The following FRMD3 variants were observed in gnomAD, a reference collection of about 807,000 sequenced individuals.
FRMD3 encodes FERM domain containing 3, also known as FERM domain-containing protein 3.
FRMD3 carries 33 observed loss-of-function variants against 70.2 expected under a neutral mutation model. The ratio of observed to expected loss-of-function variants is 0.47; its 90% CI spans 0.36 to 0.63. The LOEUF (loss-of-function observed/expected upper bound fraction) is 0.63, where lower values mean the gene tolerates loss of function less well. Among genes scored for constraint, FRMD3 ranks in the 20% least tolerant of loss-of-function variants. The pLI, the probability that FRMD3 is intolerant of heterozygous loss-of-function variation, is 0.00. For synonymous variants in FRMD3, 279 were observed against 255.9 expected (o/e 1.09, Z -0.86); for missense variants, 632 against 711.4 (o/e 0.89, Z 1.27).
chr9:83,550,488 A>G, the FRMD3 span, among the ~76,000 whole-genome samples: 11 of 152,014 alleles, frequency 7.2e-5, no homozygotes, highest in African/African-American at 2.7e-4. Flanking sequence ...GAAGAATGTC[A>G]TTGGTAGTTT....
intron 1 of FRMD3, among the ~76,000 whole-genome samples, chr9:83,414,757 G>T (rs141717361): frequency 0.012 from 1,788 of 152,288 alleles, 13 homozygotes; most frequent in Non-Finnish European, 0.02. Context: ...AAATATCATG[G>T]TCACAGCTCT....
chr9:83,458,160 T>C (rs1226050739), intron 1 of FRMD3, among the ~76,000 whole-genome samples: 3 of 152,172 alleles, frequency 2.0e-5, no homozygotes, highest in Non-Finnish European at 2.9e-5. Context: ...CCTTCCCAGA[T>C]GAAAGACACC....
At chr9:83,262,343 T>C (rs1358310126) in intron 13 of FRMD3, among the ~76,000 whole-genome samples, 2 of 152,220 alleles carry the variant, frequency 1.3e-5, no homozygotes, top group Admixed American at 6.5e-5. Context: ...CCAAAATTAC[T>C]TGTTTTCATG....
the FRMD3 span, among the ~76,000 whole-genome samples, chr9:83,579,182 T>C: frequency 1.3e-5 from 2 of 151,892 alleles, no homozygotes; most frequent in Admixed American, 6.6e-5. Context: ...AAATGAAAGA[T>C]ATTCCATGTT....
the FRMD3 span, among the ~76,000 whole-genome samples, chr9:83,568,955 G>GATAGATAGATACATACATAC: frequency 8.4e-4 from 110 of 130,830 alleles, no homozygotes; most frequent in African/African-American, 2.1e-3. Flanking sequence ...TAGATAGATA[G>GATAGATAGATACATACATAC]ATACATACAT....
At chr9:83,399,919 C>A (rs982959939) in intron 1 of FRMD3, among the ~76,000 whole-genome samples, 1 of 152,038 alleles carries the variant, frequency 6.6e-6, no homozygotes, top group East Asian at 1.9e-4. Context: ...AAACAGGGAA[C>A]AAGGCAAAGA....
chr9:83,325,525 A>G (rs1835977695), intron 6 of FRMD3, among the ~76,000 whole-genome samples: 1 of 151,672 alleles, frequency 6.6e-6, no homozygotes, highest in Non-Finnish European at 1.5e-5. Flanking sequence ...GGATTTCACC[A>G]TGTTGCCCAC....
chr9:83,431,550 A>T (rs534780806), intron 1 of FRMD3, among the ~76,000 whole-genome samples: 1 of 152,136 alleles, frequency 6.6e-6, no homozygotes, highest in African/African-American at 2.4e-5. Context: ...GTATAATCTT[A>T]AACAGTTTTG....
At chr9:83,431,341 TCTC>T (rs946351290) in intron 1 of FRMD3, among the ~76,000 whole-genome samples, 1 of 152,234 alleles carries the variant, frequency 6.6e-6, no homozygotes, top group African/African-American at 2.4e-5. Flanking sequence ...GATAATTTAT[TCTC>T]CTACATTTTC....
chr9:83,367,670 C>T (rs1210484700), intron 3 of FRMD3, among the ~76,000 whole-genome samples: 2 of 152,188 alleles, frequency 1.3e-5, no homozygotes, highest in African/African-American at 4.8e-5. Flanking sequence ...CTGGCTGCAA[C>T]AGTAGGAACA....
Position 83,321,659 on chromosome 9 carries a change from A to G in FRMD3, c.597-7912T>C, listed in dbSNP as rs148569799. Among the ~76,000 whole-genome samples the G allele has an allele frequency of 2.2e-3, 336 of 152,264 alleles. 6 individuals carry two copies. The East Asian group carries it at 0.055, about 25-fold the overall frequency. On this transcript the variant is annotated intron_variant, in intron 6 of 13. Transcript: ENST00000304195. Reference sequence around the variant, plus strand: ...TGAAAAGAATGTATTTTCTGTAGCTATTGGGTAGAACATTCTGTAAATGTC... The same window carrying G: ...TGAAAAGAATGTATTTTCTGTAGCTGTTGGGTAGAACATTCTGTAAATGTC...
At chr9:83,536,889 C>T (rs1217277669) in intron 1 of FRMD3, among the ~76,000 whole-genome samples, 3 of 143,558 alleles carry the variant, frequency 2.1e-5, no homozygotes. Flanking sequence ...TGCTGCCCCA[C>T]TCACCTCCCA....
At chr9:83,392,286 G>T (rs1194223536) in intron 1 of FRMD3, among the ~76,000 whole-genome samples, 1 of 152,098 alleles carries the variant, frequency 6.6e-6, no homozygotes, top group Non-Finnish European at 1.5e-5. Flanking sequence ...TGCCAAGGAA[G>T]TCAGCTTACA....
intron 10 of FRMD3, among the ~76,000 whole-genome samples, chr9:83,302,561 A>G (rs1312067826): frequency 6.6e-6 from 1 of 152,180 alleles, no homozygotes; most frequent in Non-Finnish European, 1.5e-5. Context: ...AGCACCTAGC[A>G]TCATACCTGC....
At chr9:83,505,200 A>C (rs1421757047) in intron 1 of FRMD3, among the ~76,000 whole-genome samples, 1 of 152,234 alleles carries the variant, frequency 6.6e-6, no homozygotes, top group African/African-American at 2.4e-5. Context: ...AACAGTCTAG[A>C]AATATCCATT....
At chr9:83,314,121 C>G (rs745856251) in intron 6 of FRMD3, among the ~76,000 whole-genome samples, 2 of 152,176 alleles carry the variant, frequency 1.3e-5, no homozygotes, top group African/African-American at 4.8e-5. Flanking sequence ...AAATGGCATG[C>G]CTTCTTGCTC....
intron 12 of FRMD3, among the ~76,000 whole-genome samples, chr9:83,294,231 A>G (rs1834565406): frequency 6.6e-6 from 1 of 152,188 alleles, no homozygotes; most frequent in South Asian, 2.1e-4. Flanking sequence ...AGAAGGCACC[A>G]TCTATGAGGA....
chr9:83,549,632 A>C, the FRMD3 span, among the ~76,000 whole-genome samples: 1 of 152,026 alleles, frequency 6.6e-6, no homozygotes, highest in African/African-American at 2.4e-5. Context: ...ACTTTTTAAT[A>C]ATAGCCATTT....
chr9:83,389,780 C>T, intron 1 of FRMD3, 72 bp from the exon 2 acceptor site: 3 of 1,007,276 alleles, frequency 3.0e-6, no homozygotes, highest in Non-Finnish European at 4.7e-6. Context: ...GAGCCTTGTT[C>T]ACCACCATGG....
Sources: gnomAD v4.1 joint callset for allele counts (sites outside exome capture counted in the v4.1 genomes callset) on GRCh38, gnomAD v4.1.1 for gene constraint, MANE v1.5 for transcripts, NCBI Gene and HGNC (gene_info 2026-07-23, HGNC 2026-07-21) for gene names.